RO60: variants seen among roughly 807,000 people sequenced by gnomAD.
The protein encoded by RO60 is Ro60, Y RNA binding protein.
In RO60, 20 loss-of-function variants were observed where a neutral mutation model predicts 55.3. That is an observed-to-expected ratio of 0.36 (90% CI 0.25 to 0.53). The LOEUF (loss-of-function observed/expected upper bound fraction) is 0.53. RO60 is among the 20% of genes least tolerant of loss of function. The pLI, the probability that RO60 is intolerant of heterozygous loss-of-function variation, is 0.92. For synonymous variants in RO60, 213 were observed against 213.6 expected (o/e 1.00, Z 0.02); for missense variants, 558 against 646.6 (o/e 0.86, Z 1.49).
intron 2 of RO60, among the ~76,000 whole-genome samples, chr1:193,070,985 T>C (rs1028602759): frequency 2.0e-5 from 3 of 152,204 alleles, no homozygotes; most frequent in African/African-American, 7.2e-5. Context: ...TCCACAACCC[T>C]TCTGATACCA....
chr1:193,088,795 G>C lies in RO60; in HGVS notation c.*4064G>C, dbSNP rs1013596383. On this transcript the variant is annotated 3_prime_UTR_variant, in exon 9 of 9. Coordinates refer to ENST00000400968, the MANE Select transcript of RO60 (RefSeq NM_001173524.2). ...ATCAATGAAATTAGTTGTATTTACT[G>C]TTTGGATTTTATTTAGTGTTTCCTT... The C allele has an allele frequency of 8.3e-4, 126 of 152,100 alleles. 1 individual carries two copies. Among genetic ancestry groups the C allele is most frequent in the African/African-American group, 2.9e-3 (122 of 41,432 alleles). 9.4% of individuals were successfully genotyped at this position (152,100 alleles called of 1,614,324 possible). A position where few individuals can be genotyped will look rare whatever the true frequency, so the allele number is the denominator to read the frequency against.
rs1263116468 is a variant in RO60 at position 193,076,653 on chromosome 1, C to T, written c.948+6C>T. 2 of 1,589,696 alleles carry T rather than the reference C, an allele frequency of 1.3e-6. No homozygotes were observed. Among genetic ancestry groups the T allele is most frequent in the Non-Finnish European group, 1.7e-6 (2 of 1,170,396 alleles). On this transcript the variant is annotated splice_donor_region_variant and intron_variant, in intron 4 of 8. Coordinates refer to ENST00000400968, the MANE Select transcript of RO60 (RefSeq NM_001173524.2). ...ATGAAAAACTATTAAAAAAGGTAAG[C>T]ATTATCATTGTTCTTTATTAGCTAC...
At chr1:193,083,081 A>G (rs993006621) in intron 8 of RO60, among the ~76,000 whole-genome samples, 2 of 152,152 alleles carry the variant, frequency 1.3e-5, no homozygotes, top group Non-Finnish European at 2.9e-5. Flanking sequence ...ATGTGTTTCA[A>G]AAAATGTTAC....
intron 1 of RO60, among the ~76,000 whole-genome samples, chr1:193,060,850 G>C (rs1350154833): frequency 1.3e-5 from 2 of 152,196 alleles, no homozygotes; most frequent in Non-Finnish European, 2.9e-5. Flanking sequence ...AAAAGTTTAA[G>C]AGGCACAGAG....
chr1:193,085,049 A>G lies in RO60; in HGVS notation c.*318A>G, dbSNP rs1674563370. The G allele has an allele frequency of 1.3e-6, 2 of 1,519,496 alleles. No individual in the cohort carries two copies. Among genetic ancestry groups the G allele is most frequent in the Non-Finnish European group, 8.8e-7 (1 of 1,138,282 alleles). 94.1% of individuals were successfully genotyped at this position (1,519,496 alleles called of 1,614,324 possible). ...GTGTGTACCTAAAAGAGGTAAGAGC[A>G]AAAAGTGTAATTCCACATCATGTTA... On this transcript the variant is annotated 3_prime_UTR_variant, in exon 9 of 9. Coordinates refer to ENST00000400968, the MANE Select transcript of RO60 (RefSeq NM_001173524.2).
At chr1:193,091,492 C>T (rs1486039120), downstream of RO60, 3 of 627,138 alleles carry the variant, frequency 4.8e-6, no homozygotes, top group African/African-American at 5.7e-5. Context: ...CTAACTGATG[C>T]TTTGTCAAGT....
chr1:193,062,560 A>T (rs1672851922), intron 1 of RO60, among the ~76,000 whole-genome samples: 1 of 152,158 alleles, frequency 6.6e-6, no homozygotes, highest in Admixed American at 6.5e-5. Context: ...CACTATTTTG[A>T]AGTATCCAGT....
chr1:193,066,981 C>T (rs1031295590), intron 1 of RO60, among the ~76,000 whole-genome samples: 1 of 151,928 alleles, frequency 6.6e-6, no homozygotes, highest in Non-Finnish European at 1.5e-5. Context: ...TGCTCACTCA[C>T]TTTTCCACTA....
At chr1:193,078,001 T>C (rs545735063) in intron 5 of RO60, among the ~76,000 whole-genome samples, 7 of 152,290 alleles carry the variant, frequency 4.6e-5, no homozygotes, top group Admixed American at 1.3e-4. Context: ...CATCTTGCTA[T>C]ATAACAAAAT....
chr1:193,076,456 A>G, intron 3 of RO60, 45 bp from the exon 4 acceptor site: 4 of 1,591,590 alleles, frequency 2.5e-6, no homozygotes, highest in Non-Finnish European at 3.4e-6. Context: ...ATACTGATTT[A>G]TTTTCCCTTA....
intron 1 of RO60, among the ~76,000 whole-genome samples, chr1:193,066,991 A>G (rs1361040413): frequency 6.6e-6 from 1 of 151,818 alleles, no homozygotes; most frequent in Non-Finnish European, 1.5e-5. Context: ...CTTTTCCACT[A>G]CAGCACTTAA....
rs533998130 is a variant in RO60 at position 193,069,860 on chromosome 1, A to G, written c.580+226A>G. Reference sequence around the variant, plus strand: ...AATCAAATGACAGGTTTATAGGTTAATATTCTGAATCTTAAAATGCCACCG... The same window carrying G: ...AATCAAATGACAGGTTTATAGGTTAGTATTCTGAATCTTAAAATGCCACCG... On this transcript the variant is annotated intron_variant, in intron 2 of 8. Coordinates refer to ENST00000400968, the MANE Select transcript of RO60 (RefSeq NM_001173524.2). Among the ~76,000 whole-genome samples the G allele has an allele frequency of 2.0e-5, 3 of 152,306 alleles. No individual in the cohort carries two copies. The South Asian group carries it at 6.2e-4, about 32-fold the overall frequency.
At chr1:193,061,290 G>GT (rs1361937456) in intron 1 of RO60, among the ~76,000 whole-genome samples, 1 of 152,142 alleles carries the variant, frequency 6.6e-6, no homozygotes, top group Non-Finnish European at 1.5e-5. Flanking sequence ...TCAGATACCT[G>GT]TATCATGGGT....
rs760701902 is a variant in RO60 at position 193,075,905 on chromosome 1, T to C, written c.666T>C (p.Thr222=). The change falls in exon 3 of 9, where the codon ACT becomes ACC. Residue 222 remains threonine (T), a synonymous_variant. Transcript: ENST00000400968. ...LYKEKALSVE[T]EKLLKYLEAV... The stretch of plus-strand genomic sequence containing the variant: ...AAGAAAAAGCACTCTCTGTGGAGAC[T>C]GAAAAATTATTAAAGTATCTGGAGG... 33 of 1,613,248 alleles carry C rather than the reference T, an allele frequency of 2.0e-5. No homozygotes were observed. The highest frequency in any genetic ancestry group is 2.8e-5 in the Non-Finnish European group (33 of 1,179,496).
intron 5 of RO60, among the ~76,000 whole-genome samples, chr1:193,077,323 TAAAGA>T (rs1390947962): frequency 1.2e-4 from 18 of 152,178 alleles, no homozygotes; most frequent in African/African-American, 4.3e-4. Context: ...CACAGTGCTA[TAAAGA>T]AATACCTGAG....
At chr1:193,077,185 G>A in intron 5 of RO60, 135 bp downstream of exon 5, 1 of 853,164 alleles carries the variant, frequency 1.2e-6, no homozygotes, top group Non-Finnish European at 1.7e-6. Context: ...TAGTTCATAT[G>A]TGGTGAGTAT....
At position 193,090,535 on chromosome 1, in the gene RO60, A is replaced by C. The variant is rs1194851822; in HGVS notation, c.*5804A>C. ...TTTATTGCCAGCTTCTGATAATGAA[A>C]TTTTCCAAAGGGATGAGATATAAGA... On this transcript the variant is annotated 3_prime_UTR_variant, in exon 9 of 9. Coordinates refer to ENST00000400968, the MANE Select transcript of RO60 (RefSeq NM_001173524.2). The C allele has an allele frequency of 6.6e-6, 1 of 151,692 alleles. No individual in the cohort carries two copies. Among genetic ancestry groups the C allele is most frequent in the African/African-American group, 2.4e-5 (1 of 41,268 alleles). 9.4% of individuals were successfully genotyped at this position (151,692 alleles called of 1,614,324 possible). A position where few individuals can be genotyped will look rare whatever the true frequency, so the allele number is the denominator to read the frequency against.
In RO60 at chr1:193,059,615, C is replaced by G. The variant is rs1253944427; in HGVS notation, c.-183C>G. ...GGGGCAAAAGAAGAGGGGCAGGACTCGTTCCCGGGAACCGAACCTGGAATC... is the reference window on the plus strand; with the variant it reads ...GGGGCAAAAGAAGAGGGGCAGGACTGGTTCCCGGGAACCGAACCTGGAATC... On this transcript the variant is annotated 5_prime_UTR_variant, in exon 1 of 9. Transcript: ENST00000400968. The surrounding 1 kb of genome is among the most constrained non-coding windows in gnomAD (Gnocchi z 4.9). 5 of 1,426,610 alleles carry G rather than the reference C, an allele frequency of 3.5e-6. No homozygotes were observed. The highest frequency in any genetic ancestry group is 4.7e-6 in the Non-Finnish European group (5 of 1,062,672). The allele number at this position is 1,426,610 out of a possible 1,614,324, so 88.4% of individuals were successfully genotyped here.
intron 2 of RO60, among the ~76,000 whole-genome samples, chr1:193,070,116 CTG>C (rs1436631250): frequency 1.3e-5 from 2 of 149,692 alleles, no homozygotes; most frequent in African/African-American, 4.9e-5. Context: ...GAAAACTACT[CTG>C]TAACCAATAA....
Sources: gnomAD v4.1 joint callset for allele counts (sites outside exome capture counted in the v4.1 genomes callset) on GRCh38, gnomAD v4.1.1 for gene constraint, Gnocchi (gnomAD v3.1) non-coding constraint, MANE v1.5 for transcripts, NCBI Gene and HGNC (gene_info 2026-07-23, HGNC 2026-07-21) for gene names.